The following SHISA9 variants were observed in gnomAD, a reference collection of about 807,000 sequenced individuals.
SHISA9 encodes shisa family member 9.
In SHISA9, 13 loss-of-function variants were observed where a neutral mutation model predicts 38.0. That is an observed-to-expected ratio of 0.34 (90% confidence interval 0.22 to 0.54). SHISA9 has a LOEUF of 0.54. SHISA9 is among the 20% of genes least tolerant of loss of function. The pLI is 0.91. For missense variants in SHISA9, 538 were observed against 575.8 expected, an observed-to-expected ratio of 0.93 and a Z score of 0.67; for synonymous variants, 275 against 242.0, an observed-to-expected ratio of 1.14 and a Z score of -1.27.
chr16:13,171,549 T>A (rs1246808258), intron 2 of SHISA9, among the ~76,000 whole-genome samples: 1 of 150,948 alleles, frequency 6.6e-6, no homozygotes, highest in African/African-American at 2.4e-5. Context: ...AAGGCAGGGG[T>A]GTGCTGATGA....
chr16:12,956,861 A>T (rs1010380511), intron 2 of SHISA9, among the ~76,000 whole-genome samples: 20 of 152,272 alleles, frequency 1.3e-4, no homozygotes, highest in African/African-American at 4.3e-4. Context: ...ATCTAAAGTT[A>T]AAAAAATGTG....
At chr16:13,223,238 A>G (rs2051246480) in intron 4 of SHISA9, among the ~76,000 whole-genome samples, 1 of 152,082 alleles carries the variant, frequency 6.6e-6, no homozygotes, top group South Asian at 2.1e-4. Flanking sequence ...ACAGGCCTGG[A>G]CAACATAGTG....
At chr16:13,351,797 T>A in the SHISA9 span, among the ~76,000 whole-genome samples, 1 of 152,238 alleles carries the variant, frequency 6.6e-6, no homozygotes, top group Non-Finnish European at 1.5e-5. Flanking sequence ...AAGGATTGGT[T>A]GCTAACACCA....
chr16:13,553,561 G>T, the SHISA9 span, among the ~76,000 whole-genome samples: 1 of 152,142 alleles, frequency 6.6e-6, no homozygotes, highest in African/African-American at 2.4e-5. Context: ...CACTACCATA[G>T]CAGAGAGAAA....
chr16:13,496,208 G>A, the SHISA9 span, among the ~76,000 whole-genome samples: 1 of 152,092 alleles, frequency 6.6e-6, no homozygotes. Context: ...TACCTGGAAA[G>A]ATGAAAACAT....
At chr16:13,131,294 C>T (rs543582236) in intron 2 of SHISA9, among the ~76,000 whole-genome samples, 14 of 152,158 alleles carry the variant, frequency 9.2e-5, no homozygotes, top group African/African-American at 1.9e-4. Flanking sequence ...TAGAAAGGAA[C>T]GAGATCGTGT....
the SHISA9 span, among the ~76,000 whole-genome samples, chr16:13,416,791 G>GGGAAGGAAGGAAGGAAGGGAA: frequency 1.4e-5 from 1 of 73,038 alleles, no homozygotes; most frequent in African/African-American, 6.0e-5. Flanking sequence ...AAGGAAGGAA[G>GGGAAGGAAGGAAGGAAGGGAA]GGAAGGAAGG....
At chr16:13,011,661 A>G (rs1596583051) in intron 2 of SHISA9, among the ~76,000 whole-genome samples, 5 of 152,096 alleles carry the variant, frequency 3.3e-5, no homozygotes, top group Admixed American at 3.3e-4. Context: ...AGCTGGGAGT[A>G]CAGGCACCCG....
intron 2 of SHISA9, among the ~76,000 whole-genome samples, chr16:12,996,794 A>T (rs1472083910): frequency 3.3e-5 from 5 of 152,156 alleles, no homozygotes; most frequent in African/African-American, 1.2e-4. Context: ...TAGGTCTGGT[A>T]TTTTGGAATG....
In SHISA9 at chr16:13,235,330, C is replaced by A. The variant is rs543082561; in HGVS notation, c.1196C>A (p.Pro399His). 1 of 1,547,636 alleles carries A rather than the reference C, an allele frequency of 6.5e-7. No individual in the cohort carries two copies. Among genetic ancestry groups the A allele is most frequent in the East Asian group, 2.4e-5 (1 of 40,892 alleles). ...LGTAETGSSD[P>H]LGTRPQHYPP... ...ACGGCCGAGACAGGCTCCAGCGACCCCTTGGGAACTCGCCCCCAGCACTAC... is the reference window on the plus strand; with the variant it reads ...ACGGCCGAGACAGGCTCCAGCGACCACTTGGGAACTCGCCCCCAGCACTAC... Residue 399 changes from proline (P) to histidine (H), a missense_variant, in exon 5 of 5, where the codon CCC (proline) becomes CAC (histidine). This residue lies in a region of SHISA9 where 326 missense variants were observed against 305.9 expected (regional missense o/e 1.07). Transcript: ENST00000558583.
At chr16:13,104,394 T>A (rs984334841) in intron 2 of SHISA9, among the ~76,000 whole-genome samples, 7 of 152,142 alleles carry the variant, frequency 4.6e-5, no homozygotes, top group Non-Finnish European at 1.0e-4. Context: ...CAAAGACATA[T>A]CCATGAATAT....
chr16:13,481,978 A>C, the SHISA9 span, among the ~76,000 whole-genome samples: 1 of 152,212 alleles, frequency 6.6e-6, no homozygotes, highest in African/African-American at 2.4e-5. Flanking sequence ...CCAACCACTG[A>C]CACAGCACTC....
chr16:12,927,517 A>G (rs902824079), intron 2 of SHISA9, among the ~76,000 whole-genome samples: 19 of 151,574 alleles, frequency 1.3e-4, no homozygotes, highest in African/African-American at 4.4e-4. Flanking sequence ...GCCCACCTCA[A>G]CCTCTCAAGT....
chr16:12,966,428 CT>C (rs1212944608), intron 2 of SHISA9, among the ~76,000 whole-genome samples: 3 of 152,200 alleles, frequency 2.0e-5, no homozygotes, highest in African/African-American at 7.2e-5. Context: ...TGCGTTCTTT[CT>C]TTTTTTGTAG....
At chr16:13,498,815 T>G in the SHISA9 span, among the ~76,000 whole-genome samples, 1 of 152,066 alleles carries the variant, frequency 6.6e-6, no homozygotes, top group Non-Finnish European at 1.5e-5. Context: ...AGATGTCCAA[T>G]GTAGTAAGAT....
chr16:13,223,247 TG>T (rs2051246641), intron 4 of SHISA9, among the ~76,000 whole-genome samples: 2 of 151,996 alleles, frequency 1.3e-5, no homozygotes, highest in African/African-American at 4.8e-5. Flanking sequence ...GACAACATAG[TG>T]AGACACCCTT....
At chr16:12,973,841 G>T (rs2072118537) in intron 2 of SHISA9, among the ~76,000 whole-genome samples, 1 of 152,166 alleles carries the variant, frequency 6.6e-6, no homozygotes, top group Non-Finnish European at 1.5e-5. Flanking sequence ...GCCACTAATT[G>T]TCTGTATAGC....
the SHISA9 span, among the ~76,000 whole-genome samples, chr16:13,442,333 G>A: frequency 3.3e-5 from 5 of 151,392 alleles, no homozygotes; most frequent in African/African-American, 1.2e-4. Flanking sequence ...TTTTGATATG[G>A]AGTCTCACTC....
chr16:13,264,416 G>GC, the SHISA9 span, among the ~76,000 whole-genome samples: 1 of 151,902 alleles, frequency 6.6e-6, no homozygotes, highest in Non-Finnish European at 1.5e-5. Context: ...CAAGTGATTC[G>GC]CCCCCCTCGG....
Sources: allele counts gnomAD v4.1 joint callset (sites outside exome capture counted in the v4.1 genomes callset), GRCh38; gene constraint gnomAD v4.1.1; regional missense constraint gnomAD v4.1.1; transcripts MANE v1.5; gene names NCBI Gene and HGNC (gene_info 2026-07-23, HGNC 2026-07-21).